The following TEX9 variants were observed in gnomAD, a reference collection of about 807,000 sequenced individuals.
TEX9 encodes testis-expressed protein 9.
A neutral mutation model predicts 59.6 loss-of-function variants in TEX9; 74 were observed. That is an observed-to-expected ratio of 1.24 (90% CI 1.03 to 1.51). The LOEUF is 1.51. TEX9 is among the 40% of genes most tolerant of loss of function. The pLI is 0.00. For synonymous variants in TEX9, 186 were observed against 152.2 expected (o/e 1.22, Z -1.64); for missense variants, 522 against 447.8 (o/e 1.17, Z -1.49).
At chr15:56,253,941 A>C (rs1217833705) in intron 1 of TEX9, among the ~76,000 whole-genome samples, 1 of 152,180 alleles carries the variant, frequency 6.6e-6, no homozygotes, top group East Asian at 1.9e-4. Context: ...CTCTGTGTCA[A>C]AGAAACTTTG....
chr15:56,353,922 G>T (rs1390875054), intron 1 of TEX9, among the ~76,000 whole-genome samples: 1 of 152,104 alleles, frequency 6.6e-6, no homozygotes, highest in Non-Finnish European at 1.5e-5. Flanking sequence ...CAGCTTTAGA[G>T]GCCTTTTTCC....
chr15:56,329,438 A>G (rs1216836153), intron 1 of TEX9, among the ~76,000 whole-genome samples: 2 of 152,194 alleles, frequency 1.3e-5, no homozygotes, highest in Non-Finnish European at 2.9e-5. Context: ...AACGAACTAA[A>G]TGAGTTAATT....
chr15:56,444,733 A>G, intron 12 of TEX9: 1 of 1,292,714 alleles, frequency 7.7e-7, no homozygotes, highest in Non-Finnish European at 1.1e-6. Context: ...ACGATAGTAT[A>G]TTTTACACCA....
intron 4 of TEX9, among the ~76,000 whole-genome samples, chr15:56,388,255 C>G (rs1413450702): frequency 1.3e-5 from 2 of 152,014 alleles, no homozygotes; most frequent in East Asian, 3.9e-4. Flanking sequence ...AGAATATTGG[C>G]ATTATAGTGT....
chr15:56,336,935 C>A (rs2046268043), intron 1 of TEX9, among the ~76,000 whole-genome samples: 1 of 152,166 alleles, frequency 6.6e-6, no homozygotes, highest in South Asian at 2.1e-4. Context: ...GTGTTTGACA[C>A]TCCCAGCAGC....
At chr15:56,401,999 T>G (rs1394946610) in intron 9 of TEX9, among the ~76,000 whole-genome samples, 3 of 152,192 alleles carry the variant, frequency 2.0e-5, no homozygotes, top group Non-Finnish European at 4.4e-5. Flanking sequence ...GAGGGAAATT[T>G]ATAGCACTAA....
chr15:56,249,404 A>G (rs2043953282), intron 1 of TEX9, among the ~76,000 whole-genome samples: 1 of 140,238 alleles, frequency 7.1e-6, no homozygotes, highest in South Asian at 2.6e-4. Context: ...CCTTGAGGAG[A>G]TGTTGCTAGG....
At chr15:56,312,426 C>G (rs1205491833) in intron 1 of TEX9, among the ~76,000 whole-genome samples, 25 of 144,152 alleles carry the variant, frequency 1.7e-4, no homozygotes, top group Admixed American at 1.6e-3. Flanking sequence ...GCTTGTTTTT[C>G]TCAGGTTTGT....
At chr15:56,295,332 A>G (rs1229239760) in intron 1 of TEX9, among the ~76,000 whole-genome samples, 2 of 152,186 alleles carry the variant, frequency 1.3e-5, no homozygotes, top group Admixed American at 6.5e-5. Flanking sequence ...GGCTATTACT[A>G]ATAGCTATTA....
intron 12 of TEX9, chr15:56,428,579 CT>C: frequency 1.6e-6 from 1 of 609,466 alleles, no homozygotes; most frequent in Non-Finnish European, 2.7e-6. Context: ...AAAGAATTCC[CT>C]TTTTAGATTT....
At chr15:56,249,502 C>A (rs1171951180) in intron 1 of TEX9, among the ~76,000 whole-genome samples, 1 of 151,222 alleles carries the variant, frequency 6.6e-6, no homozygotes, top group Non-Finnish European at 1.5e-5. Context: ...AAGGAAGGGG[C>A]GCTGAGACAG....
chr15:56,300,714 A>G (rs868523874), intron 1 of TEX9, among the ~76,000 whole-genome samples: 6 of 135,802 alleles, frequency 4.4e-5, no homozygotes, highest in Admixed American at 1.6e-4. Flanking sequence ...AGAGGGAGAG[A>G]GAGAGAGAGA....
intron 4 of TEX9, among the ~76,000 whole-genome samples, chr15:56,386,979 A>C (rs2047987873): frequency 6.6e-6 from 1 of 151,640 alleles, no homozygotes; most frequent in African/African-American, 2.4e-5. Context: ...TAGGAAGAAT[A>C]TATTTTAATA....
the TEX9 span, among the ~76,000 whole-genome samples, chr15:56,457,919 C>G: frequency 2.6e-5 from 4 of 151,744 alleles, no homozygotes; most frequent in Admixed American, 6.6e-5. Flanking sequence ...AACCTGTATA[C>G]AAATGTTTAC....
chr15:56,381,456 T>G (rs1296004123), intron 3 of TEX9, among the ~76,000 whole-genome samples: 24 of 152,330 alleles, frequency 1.6e-4, no homozygotes, highest in Non-Finnish European at 4.4e-5. Flanking sequence ...ATCTTGATAC[T>G]TGTAGATGTT....
chr15:56,329,030 C>T (rs1247082083), intron 1 of TEX9, among the ~76,000 whole-genome samples: 1 of 152,154 alleles, frequency 6.6e-6, no homozygotes, highest in Non-Finnish European at 1.5e-5. Context: ...GTGGTGGTGG[C>T]CTCAGAAGTG....
At chr15:56,452,827 T>G in the TEX9 span, among the ~76,000 whole-genome samples, 5 of 152,146 alleles carry the variant, frequency 3.3e-5, no homozygotes, top group African/African-American at 1.2e-4. Flanking sequence ...CTAATCCATA[T>G]TGTTTTCACA....
chr15:56,304,048 T>G (rs997104956), intron 1 of TEX9, among the ~76,000 whole-genome samples: 2 of 152,190 alleles, frequency 1.3e-5, no homozygotes, highest in Non-Finnish European at 2.9e-5. Flanking sequence ...ATGGCTTTAG[T>G]GTTGAATTCT....
intron 1 of TEX9, among the ~76,000 whole-genome samples, chr15:56,257,036 G>A (rs1165276226): frequency 1.3e-5 from 2 of 152,036 alleles, no homozygotes; most frequent in South Asian, 2.1e-4. Context: ...AGAACATGCA[G>A]TATTTGGTTT....
Sources: gnomAD v4.1 joint callset for allele counts (sites outside exome capture counted in the v4.1 genomes callset) on GRCh38, gnomAD v4.1.1 for gene constraint, MANE v1.5 for transcripts, NCBI Gene and HGNC (gene_info 2026-07-23, HGNC 2026-07-21) for gene names.